HIVEP2: variants seen among roughly 807,000 people sequenced by gnomAD.
HIVEP2 encodes transcription factor HIVEP2.
A neutral mutation model predicts 180.7 loss-of-function variants in HIVEP2; 14 were observed. That is an observed-to-expected ratio of 0.08 (90% CI 0.05 to 0.12). HIVEP2 has a LOEUF of 0.12. Among genes scored for constraint, HIVEP2 ranks in the 10% least tolerant of loss-of-function variants. The pLI, the probability that HIVEP2 is intolerant of heterozygous loss-of-function variation, is 1.00. For synonymous variants in HIVEP2, 1,184 were observed against 1,136.4 expected, an observed-to-expected ratio of 1.04 and a Z score of -0.84; for missense variants, 2,579 against 3,008.5, an observed-to-expected ratio of 0.86 and a Z score of 3.34.
intron 1 of HIVEP2, among the ~76,000 whole-genome samples, chr6:142,870,217 GACCCATGGGTTGGAATGAAGAAATA>G: frequency 6.6e-6 from 1 of 152,044 alleles, no homozygotes; most frequent in African/African-American, 2.4e-5. Context: ...AGCAGAGAAG[GACCCATGGGTTGGAATGAAGAAATA>G]TGTCCAGAAT....
intron 1 of HIVEP2, among the ~76,000 whole-genome samples, chr6:142,897,322 C>T (rs117796568): frequency 1.3e-5 from 2 of 152,272 alleles, no homozygotes; most frequent in South Asian, 2.1e-4. Flanking sequence ...TAAAAAGGCA[C>T]GCGGTAATAA....
intron 2 of HIVEP2, among the ~76,000 whole-genome samples, chr6:142,809,171 G>A (rs1237316294): frequency 1.3e-5 from 2 of 152,148 alleles, no homozygotes; most frequent in African/African-American, 4.8e-5. Flanking sequence ...GGCTGTAAAT[G>A]GACCTACGTC....
intron 1 of HIVEP2, among the ~76,000 whole-genome samples, chr6:142,913,877 C>T (rs564230968): frequency 6.6e-6 from 1 of 152,158 alleles, no homozygotes; most frequent in Non-Finnish European, 1.5e-5. Flanking sequence ...AAAGACTGGC[C>T]CAGCAAAGTC....
intron 1 of HIVEP2, among the ~76,000 whole-genome samples, chr6:142,938,524 A>G (rs557456900): frequency 6.6e-6 from 1 of 152,390 alleles, no homozygotes; most frequent in East Asian, 1.9e-4. Context: ...ATTTTCTGCA[A>G]CTATCAGGAT....
chr6:142,877,711 A>C (rs1776480197), intron 1 of HIVEP2, among the ~76,000 whole-genome samples: 1 of 152,200 alleles, frequency 6.6e-6, no homozygotes, highest in African/African-American at 2.4e-5. Flanking sequence ...CAACATGTGA[A>C]AGGCACTAGA....
At position 142,772,560 on chromosome 6, in the gene HIVEP2, C is replaced by T. The variant is rs761204278; in HGVS notation, c.2179G>A (p.Asp727Asn). The T allele has an allele frequency of 6.8e-5, 109 of 1,614,060 alleles. No individual in the cohort carries two copies. The highest frequency in any genetic ancestry group is 1.3e-4 in the East Asian group (6 of 44,892). ...VSTPVGIMAS[D>N]YDPKLQMQEG... ...TGCATCTGCAGTTTGGGGTCATAAT[C>T]GGAAGCCATGATGCCCACAGGAGTG... The change falls in exon 5 of 10, where the codon GAT becomes AAT. Residue 727 changes from aspartate (D) to asparagine (N), a missense_variant. This residue lies in a region of HIVEP2 where 524 missense variants were observed against 563.6 expected (regional missense o/e 0.93). Transcript: ENST00000367603. This position sits in a 1 kb window ranked among gnomAD's most constrained non-coding sequence, Gnocchi z 4.9.
intron 7 of HIVEP2, among the ~76,000 whole-genome samples, chr6:142,764,017 G>A (rs538467874): frequency 1.3e-5 from 2 of 152,100 alleles, no homozygotes; most frequent in South Asian, 4.2e-4. Flanking sequence ...GTGTTGAGGG[G>A]GTGCCTATAG....
chr6:142,941,288 T>C (rs1355702956), intron 1 of HIVEP2, among the ~76,000 whole-genome samples: 2 of 152,192 alleles, frequency 1.3e-5, no homozygotes, highest in Non-Finnish European at 2.9e-5. Flanking sequence ...TTTGGAGTTG[T>C]GACACAATAA....
chr6:142,856,699 TA>T (rs1274383337), intron 1 of HIVEP2, among the ~76,000 whole-genome samples: 20 of 152,192 alleles, frequency 1.3e-4, no homozygotes, highest in Admixed American at 1.1e-3. Flanking sequence ...TTGGAGACCA[TA>T]AAATGCAATC....
chr6:142,764,827 C>T lies in HIVEP2; in HGVS notation c.5490G>A (p.Lys1830=). 6.2e-7 allele frequency: 1 copy of T among 1,613,854 alleles called. No individual in the cohort carries two copies. Among genetic ancestry groups the T allele is most frequent in the Non-Finnish European group, 8.5e-7 (1 of 1,179,864 alleles). ...TCGTTTTGAAGGCAAAGTTACATAA[C>T]TTGCATACATAAGGCCGAACATCAG... The part of the protein sequence containing the change: ...THTDVRPYVC[K]LCNFAFKTKG... Residue 1830 remains lysine (K), a synonymous_variant, in exon 7 of 10, where the codon AAG becomes AAA. Coordinates refer to ENST00000367603, the MANE Select transcript of HIVEP2 (RefSeq NM_006734.4).
chr6:142,891,334 C>T (rs1776855484), intron 1 of HIVEP2, among the ~76,000 whole-genome samples: 1 of 151,890 alleles, frequency 6.6e-6, no homozygotes, highest in Admixed American at 6.6e-5. Context: ...TGTATTCCCA[C>T]ATCAAGAATT....
intron 2 of HIVEP2, among the ~76,000 whole-genome samples, chr6:142,806,436 T>C (rs1776549990): frequency 6.6e-6 from 1 of 152,204 alleles, no homozygotes; most frequent in Admixed American, 6.5e-5. Context: ...ATCCAAATCA[T>C]AACACTTCTC....
At chr6:142,766,697 G>C (rs1369804134) in intron 6 of HIVEP2, among the ~76,000 whole-genome samples, 2 of 152,076 alleles carry the variant, frequency 1.3e-5, no homozygotes, top group African/African-American at 4.8e-5. Flanking sequence ...TGATGTATTA[G>C]AGAAACTGGT....
At chr6:142,927,076 C>T (rs1056020289) in intron 1 of HIVEP2, among the ~76,000 whole-genome samples, 23 of 151,712 alleles carry the variant, frequency 1.5e-4, no homozygotes, top group Admixed American at 1.2e-3. Flanking sequence ...CCTCCGTCCC[C>T]GGCCGGCCCA....
intron 1 of HIVEP2, among the ~76,000 whole-genome samples, chr6:142,933,480 T>A (rs2128439267): frequency 6.6e-6 from 1 of 152,368 alleles, no homozygotes; most frequent in East Asian, 1.9e-4. Flanking sequence ...GTTTGCTTCA[T>A]ACTGCTCTCA....
At position 142,753,211 on chromosome 6, in the gene HIVEP2, T is replaced by C. The variant is rs778102629; in HGVS notation, c.7237A>G (p.Ser2413Gly). The C allele has an allele frequency of 6.2e-7, 1 of 1,614,026 alleles. No homozygotes were observed. Among genetic ancestry groups the C allele is most frequent in the East Asian group, 2.2e-5 (1 of 44,868 alleles). Residue 2413 changes from serine to glycine, a missense_variant, in exon 10 of 10, where the codon AGT becomes GGT. Ser to Gly is a moderately conservative substitution (Grantham distance 56). This residue lies in a region of HIVEP2 where 660 missense variants were observed against 731.7 expected (regional missense o/e 0.90). Coordinates refer to ENST00000367603, the MANE Select transcript of HIVEP2 (RefSeq NM_006734.4). ...PLAHSTFYSKSCVDDKQLDFH... is the reference protein window; with the variant it reads ...PLAHSTFYSKGCVDDKQLDFH... ...TCCAACTGCTTGTCATCCACACAAC[T>C]CTTGCTGTAAAACGTGGAGTGAGCT...
At chr6:142,797,488 T>C (rs1257658331) in intron 2 of HIVEP2, among the ~76,000 whole-genome samples, 1 of 152,194 alleles carries the variant, frequency 6.6e-6, no homozygotes, top group Non-Finnish European at 1.5e-5. Flanking sequence ...CACCCAAAAC[T>C]GTAAACAAAG....
intron 1 of HIVEP2, among the ~76,000 whole-genome samples, chr6:142,862,676 ATATC>A (rs1477837467): frequency 4.9e-5 from 7 of 142,704 alleles, no homozygotes; most frequent in African/African-American, 1.3e-4. Context: ...ATTGTGTACT[ATATC>A]TATTACATTT....
At chr6:142,867,625 G>T (rs1424993630) in intron 1 of HIVEP2, among the ~76,000 whole-genome samples, 1 of 152,162 alleles carries the variant, frequency 6.6e-6, no homozygotes, top group East Asian at 1.9e-4. Flanking sequence ...ATACAGAGAC[G>T]AGATGACATA....
Sources: allele counts gnomAD v4.1 joint callset (sites outside exome capture counted in the v4.1 genomes callset), GRCh38; gene constraint gnomAD v4.1.1; regional missense constraint gnomAD v4.1.1; non-coding constraint Gnocchi (gnomAD v3.1); transcripts MANE v1.5; gene names NCBI Gene and HGNC (gene_info 2026-07-23, HGNC 2026-07-21).